The following HELLS variants were observed in gnomAD, a reference collection of about 807,000 sequenced individuals.
The protein encoded by HELLS is helicase, lymphoid specific, also known as lymphoid-specific helicase.
HELLS carries 32 observed loss-of-function variants against 120.0 expected under a neutral mutation model. The ratio of observed to expected loss-of-function variants is 0.27; its 90% CI spans 0.20 to 0.36. HELLS has a LOEUF of 0.36. HELLS is among the 10% of genes least tolerant of loss of function. HELLS has a pLI of 1.00. For missense variants in HELLS, 650 were observed against 993.4 expected (o/e 0.65, Z 4.65); for synonymous variants, 341 against 323.4 (o/e 1.05, Z -0.58).
At chr10:94,547,103 A>G (rs1842784464) in intron 2 of HELLS, among the ~76,000 whole-genome samples, 1 of 152,188 alleles carries the variant, frequency 6.6e-6, no homozygotes, top group Non-Finnish European at 1.5e-5. Flanking sequence ...GTTTTCTTGT[A>G]GAGAGCATTT....
At position 94,554,151 on chromosome 10, in the gene HELLS, C is replaced by A; in HGVS notation, c.179C>A (p.Ser60Ter). The A allele has an allele frequency of 6.3e-7, 1 of 1,576,424 alleles. No homozygotes were observed. The highest frequency in any genetic ancestry group is 8.6e-7 in the Non-Finnish European group (1 of 1,167,636). Residue 60 changes from serine to a stop codon, truncating the protein, a stop_gained, in exon 3 of 22, where the codon TCG (serine) becomes TAG (stop). Coordinates refer to ENST00000348459, the MANE Select transcript of HELLS (RefSeq NM_018063.5). LOFTEE classifies it high-confidence loss of function. ...EKARMSWDRE[S>*]TEIRYRRLQH... ...GCTCGCATGTCTTGGGATAGAGAGT[C>A]GACAGAAATTCGGTACCGTAGACTT...
chr10:94,598,394 A>G (rs1845845903), intron 21 of HELLS, among the ~76,000 whole-genome samples: 1 of 152,202 alleles, frequency 6.6e-6, no homozygotes, highest in African/African-American at 2.4e-5. Flanking sequence ...CCTGGGCTCA[A>G]GGGATCCTCC....
chr10:94,559,915 A>G (rs147124576), intron 4 of HELLS, among the ~76,000 whole-genome samples: 4 of 152,372 alleles, frequency 2.6e-5, no homozygotes, highest in African/African-American at 9.6e-5. Context: ...TAGTGATTTT[A>G]TCGAACCACA....
intron 12 of HELLS, 68 bp downstream of exon 12, chr10:94,583,127 A>G: frequency 1.3e-6 from 1 of 760,900 alleles, no homozygotes; most frequent in Admixed American, 2.6e-5. Context: ...TCTGGAGATC[A>G]CCTGTCTAAC....
At chr10:94,589,920 C>T (rs1371249226) in intron 13 of HELLS, among the ~76,000 whole-genome samples, 2 of 152,032 alleles carry the variant, frequency 1.3e-5, no homozygotes, top group African/African-American at 4.8e-5. Flanking sequence ...ATCTTCTGAC[C>T]TTGTGATCTG....
chr10:94,547,572 A>G (rs1842798822), intron 2 of HELLS, among the ~76,000 whole-genome samples: 1 of 152,214 alleles, frequency 6.6e-6, no homozygotes, highest in Non-Finnish European at 1.5e-5. Flanking sequence ...TGAATGCTTT[A>G]TATGTATTTA....
At chr10:94,592,157 C>T in intron 15 of HELLS, 72 bp from the exon 16 acceptor site, 4 of 1,179,454 alleles carry the variant, frequency 3.4e-6, no homozygotes, top group Non-Finnish European at 3.6e-6. Flanking sequence ...TTGAACTTTC[C>T]AAATGGCTTT....
chr10:94,557,455 A>T (rs1843326716), intron 3 of HELLS, among the ~76,000 whole-genome samples: 1 of 152,202 alleles, frequency 6.6e-6, no homozygotes, highest in Admixed American at 6.5e-5. Context: ...TTGTAAGAGT[A>T]TGTCTAGAAT....
intron 19 of HELLS, among the ~76,000 whole-genome samples, chr10:94,596,113 G>C (rs191491454): frequency 6.6e-6 from 1 of 152,088 alleles, no homozygotes; most frequent in Non-Finnish European, 1.5e-5. Context: ...GAGCCACTGT[G>C]CTCAGCCCTA....
At chr10:94,588,497 G>A (rs11188036) in intron 13 of HELLS, 107 bp downstream of exon 13, 255,177 of 765,854 alleles carry the variant, frequency 0.33, 46,117 homozygotes, top group Admixed American at 0.47. Flanking sequence ...AGGCTGTGGT[G>A]CAGTGGCACA....
In HELLS at chr10:94,590,712, G is replaced by A. The variant is rs151242775; in HGVS notation, c.1703G>A (p.Arg568His). The A allele has an allele frequency of 1.1e-5, 17 of 1,600,134 alleles. No homozygotes were observed. The highest frequency in any genetic ancestry group is 1.4e-5 in the Non-Finnish European group (16 of 1,168,292). ...LKLQNIMMLLRKCCNHPYLIE... is the reference protein window; with the variant it reads ...LKLQNIMMLLHKCCNHPYLIE... ...CTGCAGAATATAATGATGCTACTTCGTAAATGTTGTAATCATCCATATTTG... is the reference window on the plus strand; with the variant it reads ...CTGCAGAATATAATGATGCTACTTCATAAATGTTGTAATCATCCATATTTG... Residue 568 changes from arginine to histidine, a missense_variant, in exon 15 of 22, where the codon CGT becomes CAT. Coordinates refer to ENST00000348459, the MANE Select transcript of HELLS (RefSeq NM_018063.5).
At chr10:94,604,058 C>T (rs1316799647), downstream of HELLS, among the ~76,000 whole-genome samples, 2 of 151,148 alleles carry the variant, frequency 1.3e-5, no homozygotes, top group Non-Finnish European at 2.9e-5. Flanking sequence ...CAACTCCTGA[C>T]CTTGTGATCT....
intron 21 of HELLS, among the ~76,000 whole-genome samples, 172 bp downstream of exon 21, chr10:94,597,283 A>G (rs1159834455): frequency 6.6e-6 from 1 of 152,178 alleles, no homozygotes. Flanking sequence ...TTGCCCATAA[A>G]TGTCATTATC....
At chr10:94,578,901 CG>C (rs1325670263) in intron 10 of HELLS, among the ~76,000 whole-genome samples, 5 of 151,850 alleles carry the variant, frequency 3.3e-5, no homozygotes, top group Non-Finnish European at 7.4e-5. Flanking sequence ...CCTGATCTGA[CG>C]GGAGGCAGAG....
intron 2 of HELLS, among the ~76,000 whole-genome samples, chr10:94,549,208 AT>A (rs1842871551): frequency 6.6e-6 from 1 of 152,218 alleles, no homozygotes; most frequent in African/African-American, 2.4e-5. Context: ...CTTGAGATTA[AT>A]AAACATGTCT....
chr10:94,557,174 A>G (rs777831289), intron 3 of HELLS: 37 of 431,252 alleles, frequency 8.6e-5, no homozygotes, highest in Admixed American at 5.0e-5. Context: ...TTGTCTTTCC[A>G]CTAGACTGTT....
At chr10:94,603,603 C>A (rs1337129562), downstream of HELLS, among the ~76,000 whole-genome samples, 1 of 152,188 alleles carries the variant, frequency 6.6e-6, no homozygotes, top group Non-Finnish European at 1.5e-5. Context: ...CTCCTGAATT[C>A]CAGATTCACA....
intron 7 of HELLS, among the ~76,000 whole-genome samples, chr10:94,572,821 G>T (rs558424592): frequency 1.4e-4 from 21 of 152,242 alleles, no homozygotes; most frequent in African/African-American, 5.1e-4. Context: ...TTACATTATT[G>T]TCAGCATTTG....
intron 3 of HELLS, among the ~76,000 whole-genome samples, chr10:94,555,553 C>T (rs894439993): frequency 1.3e-5 from 2 of 152,206 alleles, no homozygotes; most frequent in African/African-American, 4.8e-5. Context: ...CATGGAAGCT[C>T]TGCGCTTCTT....
Sources: gnomAD v4.1 joint callset for allele counts (sites outside exome capture counted in the v4.1 genomes callset) on GRCh38, gnomAD v4.1.1 for gene constraint, MANE v1.5 for transcripts, NCBI Gene and HGNC (gene_info 2026-07-23, HGNC 2026-07-21) for gene names.